CLDN14: variants seen among roughly 807,000 people sequenced by gnomAD.
CLDN14 encodes claudin 14, also known as claudin-14.
In CLDN14, 2 loss-of-function variants were observed where a neutral mutation model predicts 2.1. The observed-to-expected ratio is 0.96, with a 90% CI of 0.39 to 3.01. CLDN14 has a LOEUF of 3.01. CLDN14 is among the 30% of genes most tolerant of loss of function. The probability of loss-of-function intolerance (pLI) is 0.09; values close to 1 mark genes in which losing one functional copy is unlikely to be tolerated. For synonymous variants in CLDN14, 136 were observed against 154.4 expected (o/e 0.88, Z 0.88); for missense variants, 298 against 328.0 (o/e 0.91, Z 0.71).
intron 1 of CLDN14, among the ~76,000 whole-genome samples, chr21:36,463,772 T>G (rs549486982): frequency 2.0e-5 from 3 of 152,304 alleles, no homozygotes; most frequent in Admixed American, 2.0e-4. Context: ...CTACTAGATG[T>G]AAATCACTTG....
At chr21:36,495,196 G>A (rs899675195) in intron 2 of CLDN14, among the ~76,000 whole-genome samples, 1 of 152,278 alleles carries the variant, frequency 6.6e-6, no homozygotes, top group South Asian at 2.1e-4. Context: ...GGACATGGTG[G>A]TGGACACCTG....
At position 36,461,780 on chromosome 21, in the gene CLDN14, A is replaced by G. The variant is rs2086581467; in HGVS notation, c.-81-4T>C. On this transcript the variant is annotated splice_polypyrimidine_tract_variant and splice_region_variant and intron_variant, in intron 1 of 1. Transcript: ENST00000399135. ...TCCTCAGGTGCCAGCCGGAGCCCTA[A>G]TGAAGCCAAGGGAGGCGGGAGCAGG... 1.3e-6 allele frequency: 2 copies of G among 1,518,680 alleles called. No homozygotes were observed. The highest frequency in any genetic ancestry group is 4.0e-5 in the Admixed American group (2 of 50,020). The allele number at this position is 1,518,680 out of a possible 1,614,324, so 94.1% of individuals were successfully genotyped here.
chr21:36,494,558 G>A (rs1167349539), intron 2 of CLDN14, among the ~76,000 whole-genome samples: 1 of 152,172 alleles, frequency 6.6e-6, no homozygotes, highest in Non-Finnish European at 1.5e-5. Flanking sequence ...TTAGAATGTG[G>A]CTGTACTTGG....
intron 2 of CLDN14, among the ~76,000 whole-genome samples, chr21:36,496,093 C>G (rs995536595): frequency 7.0e-4 from 106 of 152,218 alleles, no homozygotes; most frequent in African/African-American, 2.3e-3. Context: ...ATTTGAAGTA[C>G]TTTGTTACAG....
intron 1 of CLDN14, chr21:36,526,601 T>G (rs994994256): frequency 6.6e-6 from 1 of 152,180 alleles, no homozygotes; most frequent in Non-Finnish European, 1.5e-5. Context: ...TGTTTGTGTT[T>G]TCAATGGAGT....
chr21:36,513,087 G>T (rs181916983), intron 1 of CLDN14, among the ~76,000 whole-genome samples: 5 of 152,232 alleles, frequency 3.3e-5, no homozygotes, highest in Admixed American at 2.6e-4. Flanking sequence ...CTACCTGCCT[G>T]TGTCTCACGA....
chr21:36,572,286 C>T (rs989762238), intron 1 of CLDN14, among the ~76,000 whole-genome samples: 5 of 151,954 alleles, frequency 3.3e-5, no homozygotes, highest in African/African-American at 1.2e-4. Flanking sequence ...TGTGTGTGAA[C>T]TGCGCGTGCT....
At chr21:36,526,736 C>A (rs956849095) in intron 1 of CLDN14, among the ~76,000 whole-genome samples, 1 of 152,208 alleles carries the variant, frequency 6.6e-6, no homozygotes, top group African/African-American at 2.4e-5. Context: ...CCCAGCAATA[C>A]CTGAGACAAA....
chr21:36,460,633 C>A lies in CLDN14; in HGVS notation c.*343G>T. The A allele has an allele frequency of 3.7e-6, 1 of 268,106 alleles. No individual in the cohort carries two copies. The highest frequency in any genetic ancestry group is 7.3e-6 in the Non-Finnish European group (1 of 137,184). 16.6% of individuals were successfully genotyped at this position (268,106 alleles called of 1,614,324 possible). A position where few individuals can be genotyped will look rare whatever the true frequency, so the allele number is the denominator to read the frequency against. On this transcript the variant is annotated 3_prime_UTR_variant, in exon 2 of 2. Transcript: ENST00000399135. The surrounding 1 kb of genome is among the most constrained non-coding windows in gnomAD (Gnocchi z 4.0). ...CAGAGACTGTCCATTTCATAAACAG[C>A]CACATCCGCAAGGTTTATTCCTGGA...
At chr21:36,570,833 G>T (rs1403377292) in intron 1 of CLDN14, among the ~76,000 whole-genome samples, 2 of 152,000 alleles carry the variant, frequency 1.3e-5, no homozygotes, top group Non-Finnish European at 2.9e-5. Context: ...ACTTCTAAAA[G>T]AATACATCCC....
At chr21:36,505,170 A>G (rs930070828) in intron 2 of CLDN14, among the ~76,000 whole-genome samples, 1 of 152,232 alleles carries the variant, frequency 6.6e-6, no homozygotes, top group African/African-American at 2.4e-5. Context: ...CAAAACTTGT[A>G]TAACAAATTT....
At chr21:36,556,622 C>T (rs1336809645) in intron 1 of CLDN14, among the ~76,000 whole-genome samples, 4 of 152,130 alleles carry the variant, frequency 2.6e-5, no homozygotes, top group African/African-American at 7.2e-5. Flanking sequence ...CCAGGATGAC[C>T]GATATAAAAA....
At chr21:36,513,612 A>G (rs2087201885) in intron 1 of CLDN14, among the ~76,000 whole-genome samples, 1 of 152,222 alleles carries the variant, frequency 6.6e-6, no homozygotes, top group Non-Finnish European at 1.5e-5. Context: ...TTTGAGGGGA[A>G]GTTTGAGTCC....
At chr21:36,497,750 C>G (rs1036578757) in intron 2 of CLDN14, among the ~76,000 whole-genome samples, 1 of 152,186 alleles carries the variant, frequency 6.6e-6, no homozygotes, top group Non-Finnish European at 1.5e-5. Flanking sequence ...CAGGTCCCAA[C>G]CACCTTGAGA....
intron 1 of CLDN14, among the ~76,000 whole-genome samples, chr21:36,575,294 T>C (rs2087734281): frequency 6.6e-6 from 1 of 152,220 alleles, no homozygotes; most frequent in South Asian, 2.1e-4. Context: ...AAATGATAGC[T>C]AATAACATGA....
At chr21:36,525,140 C>T (rs937990534) in intron 1 of CLDN14, among the ~76,000 whole-genome samples, 10 of 152,170 alleles carry the variant, frequency 6.6e-5, no homozygotes. Context: ...AGCAGCCAGA[C>T]ACTGATGTCC....
intron 1 of CLDN14, among the ~76,000 whole-genome samples, chr21:36,530,041 C>T (rs2056850226): frequency 6.6e-6 from 1 of 152,194 alleles, no homozygotes; most frequent in African/African-American, 2.4e-5. Flanking sequence ...TTTGCTTATG[C>T]TTCACCCTTC....
intron 2 of CLDN14, among the ~76,000 whole-genome samples, chr21:36,488,432 C>A (rs1295902706): frequency 6.6e-6 from 1 of 152,156 alleles, no homozygotes; most frequent in East Asian, 1.9e-4. Flanking sequence ...CCGCCATGCC[C>A]AGCTAATTTT....
intron 1 of CLDN14, among the ~76,000 whole-genome samples, chr21:36,524,453 G>T (rs1831252185): frequency 1.3e-5 from 2 of 152,154 alleles, no homozygotes; most frequent in Admixed American, 1.3e-4. Flanking sequence ...CAAGGGAATG[G>T]GGAACTCAGT....
Sources: gnomAD v4.1 joint callset for allele counts (sites outside exome capture counted in the v4.1 genomes callset) on GRCh38, gnomAD v4.1.1 for gene constraint, Gnocchi (gnomAD v3.1) non-coding constraint, MANE v1.5 for transcripts, NCBI Gene and HGNC (gene_info 2026-07-23, HGNC 2026-07-21) for gene names.